KNTC1: variants seen among roughly 807,000 people sequenced by gnomAD.
KNTC1 encodes kinetochore-associated protein 1.
In KNTC1, 253 loss-of-function variants were observed where a neutral mutation model predicts 314.4. The observed-to-expected ratio is 0.80, with a 90% CI of 0.73 to 0.89. The LOEUF (loss-of-function observed/expected upper bound fraction) is 0.89, where lower values mean the gene tolerates loss of function less well. KNTC1 is among the 40% of genes least tolerant of loss of function. KNTC1 has a pLI of 0.00. For synonymous variants in KNTC1, 901 were observed against 901.4 expected (o/e 1.00, Z 0.01); for missense variants, 2,475 against 2,572.9 (o/e 0.96, Z 0.82).
chr12:122,549,748 C>A lies in KNTC1; in HGVS notation c.988-18C>A, dbSNP rs1963058375. On this transcript the variant is annotated intron_variant, in intron 12 of 63. Coordinates refer to ENST00000333479, the MANE Select transcript of KNTC1 (RefSeq NM_014708.6). ...TTAAATTGATCTGCTAAATTAATTG[C>A]TCTGCTATTTTTCTTAGATGAAAAA... 1 of 1,181,966 alleles carries A rather than the reference C, an allele frequency of 8.5e-7. No individual in the cohort carries two copies. Among genetic ancestry groups the A allele is most frequent in the Non-Finnish European group, 1.2e-6 (1 of 808,444 alleles). The allele number at this position is 1,181,966 out of a possible 1,614,324, so 73.2% of individuals were successfully genotyped here. A position where few individuals can be genotyped will look rare whatever the true frequency, so the allele number is the denominator to read the frequency against.
chr12:122,591,246 T>G, intron 41 of KNTC1, 91 bp from the exon 42 acceptor site: 1 of 767,240 alleles, frequency 1.3e-6, no homozygotes, highest in Non-Finnish European at 2.4e-6. Flanking sequence ...GATCACAAAG[T>G]TATGATTTTT....
intron 51 of KNTC1, 22 bp from the exon 52 acceptor site, chr12:122,609,361 CT>C (rs766364482): frequency 4.1e-5 from 63 of 1,521,624 alleles, no homozygotes; most frequent in Admixed American, 2.2e-4. Context: ...AGTTTTTGAC[CT>C]TTTTTTCCTA....
intron 42 of KNTC1, chr12:122,593,266 C>CT (rs369511482): frequency 0.12 from 16,831 of 139,260 alleles, 1,249 homozygotes; most frequent in African/African-American, 0.19. Flanking sequence ...TTCTTTTTTT[C>CT]TTTTTTTTTT....
rs1868663908 is a variant in KNTC1, at chr12:122,583,064, CA to C, written c.3263+81del. The C allele has an allele frequency of 3.0e-6, 4 of 1,346,982 alleles. No homozygotes were observed. In the East Asian group the frequency reaches 9.5e-5, roughly 32 times the overall value. 83.4% of individuals were successfully genotyped at this position (1,346,982 alleles called of 1,614,324 possible). Reference sequence around the variant, plus strand: ...CGGTAACTCATACCTGTAATCCCAGCAATTTAGGAGGCCGAGGCAGGCGGAT... The same window carrying C: ...CGGTAACTCATACCTGTAATCCCAGCATTTAGGAGGCCGAGGCAGGCGGAT... On this transcript the variant is annotated intron_variant, in intron 34 of 63. Transcript: ENST00000333479.
At chr12:122,614,232 C>CA (rs1170471401) in intron 55 of KNTC1, among the ~76,000 whole-genome samples, 1 of 152,194 alleles carries the variant, frequency 6.6e-6, no homozygotes, top group Non-Finnish European at 1.5e-5. Context: ...GGTCCTTTTA[C>CA]CTCTTTTGCC....
intron 40 of KNTC1, 80 bp from the exon 41 acceptor site, chr12:122,590,527 G>A (rs950077708): frequency 3.9e-6 from 5 of 1,274,048 alleles, no homozygotes; most frequent in Non-Finnish European, 5.3e-6. Context: ...CTCTTTATTT[G>A]TATTTCTGCC....
intron 5 of KNTC1, among the ~76,000 whole-genome samples, chr12:122,541,783 G>A (rs1962357431): frequency 6.6e-6 from 1 of 151,890 alleles, no homozygotes; most frequent in Non-Finnish European, 1.5e-5. Context: ...CACTTTGGGA[G>A]GCTGAGGCAA....
chr12:122,558,529 C>CGACA (rs1009933003), intron 18 of KNTC1, among the ~76,000 whole-genome samples: 1 of 150,142 alleles, frequency 6.7e-6, no homozygotes, highest in African/African-American at 2.5e-5. Context: ...TTCAGCCTGG[C>CGACA]GACAGAGCAA....
intron 43 of KNTC1, chr12:122,597,161 G>C (rs1871166551): frequency 6.6e-6 from 1 of 151,154 alleles, no homozygotes; most frequent in Non-Finnish European, 1.5e-5. Flanking sequence ...TTATACTAAA[G>C]AGCATAAATA....
rs1446803863 is a variant in KNTC1, at chr12:122,546,631, A to G, written c.773A>G (p.Lys258Arg). Residue 258 changes from lysine to arginine, a missense_variant, in exon 10 of 64, where the codon AAG becomes AGG. Lys to Arg is a conservative substitution (Grantham distance 26, BLOSUM62 2). Transcript: ENST00000333479. ...IDAEIIKGAKKFQLIDNLLFV... is the reference protein window; with the variant it reads ...IDAEIIKGAKRFQLIDNLLFV... ...ATTTTCTCTTTTGTAGGTGCAAAGAAGTTCCAGCTGATAGACAATCTACTT... is the reference window on the plus strand; with the variant it reads ...ATTTTCTCTTTTGTAGGTGCAAAGAGGTTCCAGCTGATAGACAATCTACTT... The G allele has an allele frequency of 1.3e-6, 2 of 1,584,436 alleles. No homozygotes were observed. The highest frequency in any genetic ancestry group is 1.7e-6 in the Non-Finnish European group (2 of 1,159,848).
chr12:122,611,822 T>G (rs141229789), intron 53 of KNTC1: 1 of 152,216 alleles, frequency 6.6e-6, no homozygotes. Flanking sequence ...TCTAGGCTAC[T>G]TATAACACAA....
chr12:122,531,968 C>T (rs538686274), intron 2 of KNTC1, among the ~76,000 whole-genome samples: 2 of 150,282 alleles, frequency 1.3e-5, no homozygotes, highest in African/African-American at 4.9e-5. Context: ...CTCCTGACCT[C>T]GTGATCCGCC....
At position 122,594,317 on chromosome 12, in the gene KNTC1, GA is replaced by G; in HGVS notation, c.4290del (p.Asp1431ThrfsTer10). ...TTTTCAGGCAACATTTTCTCACCAA[GA>G]AAGACCTCATTAAAGCTCTTGTGGA... The part of the protein sequence containing the change: ...PVFRQHFLTK[K>X]DLIKALVENI... On this transcript the variant is annotated frameshift_variant, in exon 43 of 64. Coordinates refer to ENST00000333479, the MANE Select transcript of KNTC1 (RefSeq NM_014708.6). LOFTEE classifies it high-confidence loss of function. The G allele has an allele frequency of 6.2e-7, 1 of 1,611,156 alleles. No individual in the cohort carries two copies. Among genetic ancestry groups the G allele is most frequent in the Non-Finnish European group, 8.5e-7 (1 of 1,177,822 alleles).
At chr12:122,605,769 C>G (rs1460556311) in intron 51 of KNTC1, among the ~76,000 whole-genome samples, 1 of 152,090 alleles carries the variant, frequency 6.6e-6, no homozygotes, top group Non-Finnish European at 1.5e-5. Flanking sequence ...TAGCCTCGAA[C>G]TCCTGACCTT....
intron 5 of KNTC1, among the ~76,000 whole-genome samples, chr12:122,540,266 G>T (rs1194917082): frequency 1.4e-4 from 21 of 147,372 alleles, no homozygotes; most frequent in African/African-American, 5.1e-4. Flanking sequence ...TCTGCCTCCT[G>T]AGTTCAAACG....
At position 122,576,969 on chromosome 12, in the gene KNTC1, T is replaced by C. The variant is rs1339298137; in HGVS notation, c.2661T>C (p.Phe887=). 6.3e-7 allele frequency: 1 copy of C among 1,599,118 alleles called. No homozygotes were observed. Among genetic ancestry groups the C allele is most frequent in the East Asian group, 2.2e-5 (1 of 44,604 alleles). Residue 887 remains phenylalanine, a synonymous_variant, in exon 30 of 64, where the codon TTT becomes TTC. Coordinates refer to ENST00000333479, the MANE Select transcript of KNTC1 (RefSeq NM_014708.6). The part of the protein sequence containing the change: ...LEDALKVAQA[F]MLSDDEIYSL... ...ATGCTTTAAAGGTAGCCCAAGCGTT[T>C]ATGTTATCTGATGATGAGATCTACA...
At chr12:122,613,044 G>A in intron 53 of KNTC1, 68 bp from the exon 54 acceptor site, 1 of 811,292 alleles carries the variant, frequency 1.2e-6, no homozygotes, top group Non-Finnish European at 2.1e-6. Flanking sequence ...TGTTGCCTAT[G>A]TTGAAACTCA....
chr12:122,568,292 G>A lies in KNTC1; in HGVS notation c.1636G>A (p.Glu546Lys). ...GSSWIEFLNN[E>K]DDLKDIFLQL... The stretch of plus-strand genomic sequence containing the variant: ...TTCTTGGATTGAATTTCTAAATAAT[G>A]AAGATGATCTTAAAGATATTTTTTT... The change falls in exon 21 of 64, where the codon GAA becomes AAA. Residue 546 changes from glutamate to lysine, a missense_variant. Physicochemically the swap from Glu to Lys is moderately conservative, Grantham distance 56 (BLOSUM62 1). Transcript: ENST00000333479. The A allele has an allele frequency of 6.3e-7, 1 of 1,576,330 alleles. No individual in the cohort carries two copies.
chr12:122,594,140 T>G (rs754034633), intron 42 of KNTC1, 136 bp from the exon 43 acceptor site: 2 of 604,168 alleles, frequency 3.3e-6, no homozygotes, highest in East Asian at 2.8e-5. Context: ...TTGGGTAGTG[T>G]GAGGTTGGAG....
Sources: gnomAD v4.1 joint callset for allele counts (sites outside exome capture counted in the v4.1 genomes callset) on GRCh38, gnomAD v4.1.1 for gene constraint, MANE v1.5 for transcripts, NCBI Gene and HGNC (gene_info 2026-07-23, HGNC 2026-07-21) for gene names.